The following TNFSF12 variants were observed in gnomAD, a reference collection of about 807,000 sequenced individuals.
The protein encoded by TNFSF12 is TNF superfamily member 12.
TNFSF12 carries 16 observed loss-of-function variants against 31.2 expected under a neutral mutation model. The ratio of observed to expected loss-of-function variants is 0.51; its 90% CI spans 0.35 to 0.78. The LOEUF is 0.78. Ranked by LOEUF, TNFSF12 falls within the 30% of genes least tolerant of loss-of-function variation. The probability of loss-of-function intolerance (pLI) is 0.01; values close to 1 mark genes in which losing one functional copy is unlikely to be tolerated. For synonymous variants in TNFSF12, 150 were observed against 151.4 expected (o/e 0.99, Z 0.07); for missense variants, 324 against 338.8 (o/e 0.96, Z 0.34).
Position 7,550,036 on chromosome 17 carries a change from G to C in TNFSF12, c.208-84G>C. ...TCCCTGACTTCTGTGTCTATTGCTG[G>C]CTGGTGGCTCTCCTGACAGGCCCCG... is the stretch of plus-strand genomic sequence containing the variant. On this transcript the variant is annotated intron_variant, in intron 2 of 6. Coordinates refer to ENST00000293825, the MANE Select transcript of TNFSF12 (RefSeq NM_003809.3). This position sits in a 1 kb window ranked among gnomAD's most constrained non-coding sequence, Gnocchi z 4.4. 2.5e-6 allele frequency: 4 copies of C among 1,604,030 alleles called. No homozygotes were observed. Among genetic ancestry groups the C allele is most frequent in the Non-Finnish European group, 3.4e-6 (4 of 1,171,826 alleles).
rs2070978177 is a variant in TNFSF12, at chr17:7,549,698, T to C, written c.207+177T>C. ...GTGTGTGTGCGTGGTGACAACTCTG[T>C]GTGAGGGGTTTGTGCTGGGGTTGTG... On this transcript the variant is annotated intron_variant, in intron 2 of 6. Coordinates refer to ENST00000293825, the MANE Select transcript of TNFSF12 (RefSeq NM_003809.3). The surrounding 1 kb of genome is among the most constrained non-coding windows in gnomAD (Gnocchi z 4.1). 4 of 1,090,436 alleles carry C rather than the reference T, an allele frequency of 3.7e-6. No individual in the cohort carries two copies. Among genetic ancestry groups the C allele is most frequent in the Non-Finnish European group, 5.0e-6 (4 of 793,730 alleles). 67.5% of individuals were successfully genotyped at this position (1,090,436 alleles called of 1,614,324 possible).
chr17:7,554,550 C>G (rs1372551139), intron 5 of TNFSF12, among the ~76,000 whole-genome samples: 1 of 149,818 alleles, frequency 6.7e-6, no homozygotes, highest in Non-Finnish European at 1.5e-5. Flanking sequence ...CTCCTGACCT[C>G]GTGATCCACC....
At chr17:7,554,304 ACTCT>A in intron 5 of TNFSF12, among the ~76,000 whole-genome samples, 1 of 123,774 alleles carries the variant, frequency 8.1e-6, no homozygotes, top group East Asian at 2.5e-4. Flanking sequence ...TAATATCCAG[ACTCT>A]TTTTTTTTTT....
chr17:7,550,970 C>T lies in TNFSF12; in HGVS notation c.365C>T (p.Ala122Val), dbSNP rs145233196. ...CATCCACGACCTGGACAGGACGGAG[C>T]GCAGGCAGGTGAGACCCCATCCCCC... ...EVHPRPGQDG[A>V]QAGVDGTVSG... Residue 122 changes from alanine (A) to valine (V), a missense_variant, in exon 5 of 7, where the codon GCG becomes GTG. Coordinates refer to ENST00000293825, the MANE Select transcript of TNFSF12 (RefSeq NM_003809.3). The surrounding 1 kb of genome is among the most constrained non-coding windows in gnomAD (Gnocchi z 4.4). The T allele has an allele frequency of 1.9e-5, 30 of 1,613,776 alleles. No homozygotes were observed. In the African/African-American group the frequency reaches 1.9e-4, roughly 10 times the overall value.
In TNFSF12 at chr17:7,550,243, C is replaced by T; in HGVS notation, c.283+48C>T. The stretch of plus-strand genomic sequence containing the variant: ...CTCAGGAAGCGGGCAGAGCAAAAAC[C>T]ATTATCCACAGGGAGAAACTGAGGC... On this transcript the variant is annotated intron_variant, in intron 3 of 6. Coordinates refer to ENST00000293825, the MANE Select transcript of TNFSF12 (RefSeq NM_003809.3). The surrounding 1 kb of genome is among the most constrained non-coding windows in gnomAD (Gnocchi z 4.4). 6.2e-7 allele frequency: 1 copy of T among 1,613,528 alleles called. No homozygotes were observed. The highest frequency in any genetic ancestry group is 1.1e-5 in the South Asian group (1 of 91,080).
intron 5 of TNFSF12, among the ~76,000 whole-genome samples, chr17:7,554,791 T>C (rs1197041587): frequency 2.0e-5 from 3 of 147,848 alleles, no homozygotes; most frequent in African/African-American, 7.5e-5. Context: ...ATTTTTTTTT[T>C]ATGTTTTAGT....
intron 5 of TNFSF12, among the ~76,000 whole-genome samples, chr17:7,554,575 A>G (rs1334791063): frequency 6.7e-6 from 1 of 148,754 alleles, no homozygotes; most frequent in East Asian, 2.0e-4. Context: ...TCGGCCTCCC[A>G]AAGTGCTGGG....
intron 5 of TNFSF12, 139 bp downstream of exon 5, chr17:7,551,117 C>A (rs1178725942): frequency 1.4e-6 from 2 of 1,445,092 alleles, no homozygotes; most frequent in East Asian, 4.9e-5. Context: ...CTCTCTGTGA[C>A]CCAGGCGTGG....
In TNFSF12 at chr17:7,549,593, G is replaced by A; in HGVS notation, c.207+72G>A. 8 of 1,457,432 alleles carry A rather than the reference G, an allele frequency of 5.5e-6. No individual in the cohort carries two copies. Among genetic ancestry groups the A allele is most frequent in the Non-Finnish European group, 7.3e-6 (8 of 1,098,702 alleles). 90.3% of individuals were successfully genotyped at this position (1,457,432 alleles called of 1,614,324 possible). A position where few individuals can be genotyped will look rare whatever the true frequency, so the allele number is the denominator to read the frequency against. On this transcript the variant is annotated intron_variant, in intron 2 of 6. Coordinates refer to ENST00000293825, the MANE Select transcript of TNFSF12 (RefSeq NM_003809.3). The surrounding 1 kb of genome is among the most constrained non-coding windows in gnomAD (Gnocchi z 4.1). ...TGTGCACAGCCGAGGCTGCAGGTGT[G>A]TGCAGCTGTGCCAGCCGTACTCGAG...
chr17:7,549,551 T>G lies in TNFSF12; in HGVS notation c.207+30T>G. 1 of 1,524,652 alleles carries G rather than the reference T, an allele frequency of 6.6e-7. No homozygotes were observed. The highest frequency in any genetic ancestry group is 8.8e-7 in the Non-Finnish European group (1 of 1,132,190). The allele number at this position is 1,524,652 out of a possible 1,614,324, so 94.4% of individuals were successfully genotyped here. A position where few individuals can be genotyped will look rare whatever the true frequency, so the allele number is the denominator to read the frequency against. ...GTGGGCGTGGGCGCGGTCTGCAGGC[T>G]GCTGGGGCATGGGAAGTGTGCACAG... On this transcript the variant is annotated intron_variant, in intron 2 of 6. Transcript: ENST00000293825. The surrounding 1 kb of genome is among the most constrained non-coding windows in gnomAD (Gnocchi z 4.1).
chr17:7,554,639 G>A (rs1207476843), intron 5 of TNFSF12, among the ~76,000 whole-genome samples: 1 of 139,596 alleles, frequency 7.2e-6, no homozygotes, highest in Non-Finnish European at 1.5e-5. Context: ...TTTTTTTTGA[G>A]ATGGAGTTTT....
At position 7,556,832 on chromosome 17, in the gene TNFSF12, C is replaced by A; in HGVS notation, c.428C>A (p.Pro143His). 1 of 1,562,866 alleles carries A rather than the reference C, an allele frequency of 6.4e-7. No individual in the cohort carries two copies. The highest frequency in any genetic ancestry group is 8.7e-7 in the Non-Finnish European group (1 of 1,151,192). Reference protein sequence around the residue: ...WEEARINSSSPLRYNRQIGEF... With the variant: ...WEEARINSSSHLRYNRQIGEF... Reference sequence around the variant, plus strand: ...GAAGCCAGAATCAACAGCTCCAGCCCTCTGCGCTACAACCGCCAGATCGGG... The same window carrying A: ...GAAGCCAGAATCAACAGCTCCAGCCATCTGCGCTACAACCGCCAGATCGGG... Residue 143 changes from proline to histidine, a missense_variant, in exon 6 of 7, where the codon CCT becomes CAT. By Grantham distance (77) the Pro-to-His change is moderately conservative. Transcript: ENST00000293825.
intron 5 of TNFSF12, among the ~76,000 whole-genome samples, chr17:7,555,976 T>G (rs899420379): frequency 1.5e-5 from 1 of 66,866 alleles, no homozygotes; most frequent in African/African-American, 3.9e-5. Context: ...AGTGAGCGTT[T>G]TTTTTGTTTT....
In TNFSF12 at chr17:7,550,692, C is replaced by G; in HGVS notation, c.284-107C>G. 6.7e-7 allele frequency: 1 copy of G among 1,499,248 alleles called. No individual in the cohort carries two copies. The highest frequency in any genetic ancestry group is 9.0e-7 in the Non-Finnish European group (1 of 1,106,280). The allele number at this position is 1,499,248 out of a possible 1,614,324, so 92.9% of individuals were successfully genotyped here. Reference sequence around the variant, plus strand: ...GAGATTCTAAGGCCAGGAGTCTGGACAAGAATAAGGATGCCAGGGTTCCTG... The same window carrying G: ...GAGATTCTAAGGCCAGGAGTCTGGAGAAGAATAAGGATGCCAGGGTTCCTG... On this transcript the variant is annotated intron_variant, in intron 3 of 6. Coordinates refer to ENST00000293825, the MANE Select transcript of TNFSF12 (RefSeq NM_003809.3). The surrounding 1 kb of genome is among the most constrained non-coding windows in gnomAD (Gnocchi z 4.4).
rs541946878 is a variant in TNFSF12, at chr17:7,557,424, C to A, written c.*74C>A. ...CAGCTCTCTGGGCACCCGGTCCCCT[C>A]TGCCCCACCCTCAGCCGCTCTTTGC... On this transcript the variant is annotated 3_prime_UTR_variant, in exon 7 of 7. Transcript: ENST00000293825. The surrounding 1 kb of genome is among the most constrained non-coding windows in gnomAD (Gnocchi z 5.2). 2.7e-6 allele frequency: 4 copies of A among 1,506,578 alleles called. No individual in the cohort carries two copies. Among genetic ancestry groups the A allele is most frequent in the East Asian group, 4.6e-5 (2 of 43,512 alleles). 93.3% of individuals were successfully genotyped at this position (1,506,578 alleles called of 1,614,324 possible).
Position 7,549,081 on chromosome 17 carries a change from C to T in TNFSF12, c.-73C>T. 1 of 1,214,724 alleles carries T rather than the reference C, an allele frequency of 8.2e-7. No homozygotes were observed. The highest frequency in any genetic ancestry group is 1.0e-6 in the Non-Finnish European group (1 of 973,440). The allele number at this position is 1,214,724 out of a possible 1,614,324, so 75.2% of individuals were successfully genotyped here. A position where few individuals can be genotyped will look rare whatever the true frequency, so the allele number is the denominator to read the frequency against. On this transcript the variant is annotated 5_prime_UTR_variant, in exon 1 of 7. Transcript: ENST00000293825. This position sits in a 1 kb window ranked among gnomAD's most constrained non-coding sequence, Gnocchi z 4.1. ...CCCTCTCCCCGGCCCGATCCGCCCG[C>T]CGGCTCCCCCTCCCCCGATCCCTCG...
Position 7,549,630 on chromosome 17 carries a change from G to C in TNFSF12, c.207+109G>C. 7.0e-7 allele frequency: 1 copy of C among 1,421,572 alleles called. No homozygotes were observed. Among genetic ancestry groups the C allele is most frequent in the Non-Finnish European group, 9.3e-7 (1 of 1,077,902 alleles). The allele number at this position is 1,421,572 out of a possible 1,614,324, so 88.1% of individuals were successfully genotyped here. ...CAGCCGTACTCGAGGTGTGTGCAGG[G>C]TGTGTGTGAACACAGTGCGTGCATG... On this transcript the variant is annotated intron_variant, in intron 2 of 6. Coordinates refer to ENST00000293825, the MANE Select transcript of TNFSF12 (RefSeq NM_003809.3). The surrounding 1 kb of genome is among the most constrained non-coding windows in gnomAD (Gnocchi z 4.1).
intron 5 of TNFSF12, among the ~76,000 whole-genome samples, chr17:7,555,973 G>GTTTTTTTTTTTTTTTTTTTTTTTTTTT (rs59248137): frequency 2.8e-5 from 2 of 70,878 alleles, no homozygotes; most frequent in Non-Finnish European, 5.2e-5. Flanking sequence ...CCCAGTGAGC[G>GTTTTTTTTTTTTTTTTTTTTTTTTTTT]TTTTTTTTGT....
chr17:7,557,172 G>C lies in TNFSF12; in HGVS notation c.572G>C (p.Cys191Ser). Residue 191 changes from cysteine to serine, a missense_variant, in exon 7 of 7, where the codon TGC becomes TCC. Coordinates refer to ENST00000293825, the MANE Select transcript of TNFSF12 (RefSeq NM_003809.3). The surrounding 1 kb of genome is among the most constrained non-coding windows in gnomAD (Gnocchi z 5.2). The stretch of plus-strand genomic sequence containing the variant: ...GTGGATGGTGTGCTGGCCCTGCGCT[G>C]CCTGGAGGAATTCTCAGCCACTGCG... ...LLVDGVLALR[C>S]LEEFSATAAS... 6.2e-7 allele frequency: 1 copy of C among 1,612,468 alleles called. No homozygotes were observed. Among genetic ancestry groups the C allele is most frequent in the Non-Finnish European group, 8.5e-7 (1 of 1,178,890 alleles).
Sources: allele counts gnomAD v4.1 joint callset (sites outside exome capture counted in the v4.1 genomes callset), GRCh38; gene constraint gnomAD v4.1.1; non-coding constraint Gnocchi (gnomAD v3.1); transcripts MANE v1.5; gene names NCBI Gene and HGNC (gene_info 2026-07-23, HGNC 2026-07-21).